AFF1: variants seen among roughly 807,000 people sequenced by gnomAD.
The protein encoded by AFF1 is ALF transcription elongation factor 1.
In AFF1, 48 loss-of-function variants were observed where a neutral mutation model predicts 121.7. The ratio of observed to expected loss-of-function variants is 0.39; its 90% CI spans 0.31 to 0.50. The LOEUF (loss-of-function observed/expected upper bound fraction) is 0.50. Among genes scored for constraint, AFF1 ranks in the 20% least tolerant of loss-of-function variants. The pLI, the probability that AFF1 is intolerant of heterozygous loss-of-function variation, is 0.76. For missense variants in AFF1, 1,523 were observed against 1,511.7 expected, an observed-to-expected ratio of 1.01 and a Z score of -0.12; for synonymous variants, 613 against 563.0, an observed-to-expected ratio of 1.09 and a Z score of -1.26.
intron 4 of AFF1, among the ~76,000 whole-genome samples, chr4:87,075,512 T>C (rs1241892657): frequency 6.6e-6 from 1 of 152,204 alleles, no homozygotes; most frequent in Non-Finnish European, 1.5e-5. Flanking sequence ...TATTTCTTCA[T>C]CTTCTATCTC....
At chr4:86,962,877 A>C (rs147166339) in intron 2 of AFF1, among the ~76,000 whole-genome samples, 49 of 152,324 alleles carry the variant, frequency 3.2e-4, no homozygotes, top group African/African-American at 1.1e-3. Context: ...CATGAAGATA[A>C]GTATAGGCCA....
chr4:87,072,581 G>A (rs951510654), intron 4 of AFF1, among the ~76,000 whole-genome samples: 3 of 151,864 alleles, frequency 2.0e-5, no homozygotes, highest in African/African-American at 7.3e-5. Context: ...GAGTGCAGTG[G>A]CACGATCTCA....
intron 2 of AFF1, among the ~76,000 whole-genome samples, chr4:86,963,073 C>T (rs1020372968): frequency 3.5e-5 from 5 of 141,760 alleles, no homozygotes; most frequent in Admixed American, 7.9e-5. Context: ...GGCTGAGGCA[C>T]GAGAATTGCT....
chr4:86,998,307 C>T (rs192385626), intron 2 of AFF1, among the ~76,000 whole-genome samples: 21 of 152,144 alleles, frequency 1.4e-4, no homozygotes, highest in African/African-American at 3.9e-4. Flanking sequence ...AAGCTAGTCT[C>T]GCTAGAAGAA....
intron 2 of AFF1, among the ~76,000 whole-genome samples, chr4:86,993,931 C>T (rs772212622): frequency 5.9e-5 from 9 of 151,516 alleles, no homozygotes; most frequent in Non-Finnish European, 1.0e-4. Context: ...TGCCATTTCA[C>T]TCCAGCCTGG....
At chr4:86,980,736 A>G (rs533820751) in intron 2 of AFF1, among the ~76,000 whole-genome samples, 76 of 152,318 alleles carry the variant, frequency 5.0e-4, no homozygotes, top group Admixed American at 5.9e-4. Context: ...AAACTGATTG[A>G]AGAGAACAGA....
chr4:86,973,909 A>G (rs1723114445), intron 2 of AFF1: 1 of 152,228 alleles, frequency 6.6e-6, no homozygotes, highest in South Asian at 2.1e-4. Context: ...GAATACGAGA[A>G]TAGAAAAATG....
rs189594969 is a variant in AFF1, at chr4:86,953,725, T to C, written c.38+5154T>C. ...GTTTAGTGCATTTTCTTTTCTTTTT[T>C]CTTTTTTTTTTGAGATGGAGTTTTG... On this transcript the variant is annotated intron_variant, in intron 2 of 20. Transcript: ENST00000395146. Among the ~76,000 whole-genome samples the C allele has an allele frequency of 7.5e-3, 1,131 of 150,622 alleles. 17 individuals are homozygous for C. The highest frequency in any genetic ancestry group is 0.026 in the African/African-American group (1,054 of 41,300).
rs1722139144 is a variant in AFF1 at position 87,072,205 on chromosome 4, T to C, written c.1060-11915T>C. 1.3e-5 allele frequency among the ~76,000 whole-genome samples: 2 copies of C among 151,752 alleles called. 1 individual carries two copies. The highest frequency in any genetic ancestry group is 4.8e-5 in the African/African-American group (2 of 41,326). On this transcript the variant is annotated intron_variant, in intron 4 of 20. Transcript: ENST00000395146. ...GGTGAAGACCCGTCTCTACTAAAAA[T>C]ACAAAAAATTAGCTGGGCCTGGTGG...
intron 14 of AFF1, 142 bp from the exon 15 acceptor site, chr4:87,126,884 T>G: frequency 1.5e-6 from 1 of 680,990 alleles, no homozygotes; most frequent in Non-Finnish European, 2.5e-6. Flanking sequence ...GCTGAGGAAG[T>G]GTTTAGCCAG....
In AFF1 at chr4:87,049,870, C is replaced by T. The variant is rs145123076; in HGVS notation, c.1059+2276C>T. 1,587 of 376,842 alleles carry T rather than the reference C, an allele frequency of 4.2e-3. 28 individuals carry two copies. The highest frequency in any genetic ancestry group is 0.031 in the African/African-American group (1,471 of 47,230). 23.3% of individuals were successfully genotyped at this position (376,842 alleles called of 1,614,324 possible). On this transcript the variant is annotated intron_variant, in intron 4 of 20. Coordinates refer to ENST00000395146, the MANE Select transcript of AFF1 (RefSeq NM_001166693.3). ...GCATGGAATGAAGGAGTCGTCAATC[C>T]GGGAAGTGGGGATCTTGGTGCTCCC... is the stretch of plus-strand genomic sequence containing the variant.
At chr4:87,111,514 T>C (rs1578272114) in intron 11 of AFF1, among the ~76,000 whole-genome samples, 2 of 151,704 alleles carry the variant, frequency 1.3e-5, no homozygotes, top group East Asian at 1.9e-4. Context: ...CCACTAAGTC[T>C]GGCTAATTTT....
chr4:86,953,094 G>C (rs545627562), intron 2 of AFF1, among the ~76,000 whole-genome samples: 1 of 151,878 alleles, frequency 6.6e-6, no homozygotes, highest in South Asian at 2.1e-4. Context: ...AGTTTGGATG[G>C]GTAACTGCCC....
intron 2 of AFF1, among the ~76,000 whole-genome samples, chr4:86,979,804 A>T (rs1215799160): frequency 6.6e-6 from 1 of 151,742 alleles, no homozygotes; most frequent in Non-Finnish European, 1.5e-5. Flanking sequence ...AGCTGGTGGG[A>T]ACGCAAAATA....
chr4:87,022,662 G>GTGTGTATATATATAGC (rs1553918500), intron 2 of AFF1, among the ~76,000 whole-genome samples: 66 of 74,106 alleles, frequency 8.9e-4, no homozygotes, highest in Non-Finnish European at 1.1e-3. Context: ...GTATATATAT[G>GTGTGTATATATATAGC]TGTGTGTATA....
intron 2 of AFF1, among the ~76,000 whole-genome samples, chr4:87,031,303 C>G (rs76641562): frequency 6.6e-6 from 1 of 152,166 alleles, no homozygotes; most frequent in Non-Finnish European, 1.5e-5. Flanking sequence ...AACTTCTGCT[C>G]ATCATTCAAG....
intron 4 of AFF1, among the ~76,000 whole-genome samples, chr4:87,073,975 G>A (rs1722397660): frequency 6.6e-6 from 1 of 151,222 alleles, no homozygotes; most frequent in Non-Finnish European, 1.5e-5. Flanking sequence ...TCGTGTGTGT[G>A]TGCACGTGCG....
intron 2 of AFF1, among the ~76,000 whole-genome samples, chr4:87,040,188 A>T (rs1435228559): frequency 2.6e-5 from 4 of 152,016 alleles, no homozygotes; most frequent in Non-Finnish European, 5.9e-5. Flanking sequence ...AGCCACTGTG[A>T]CCGGCCCACA....
chr4:87,111,806 A>G (rs569188335), intron 11 of AFF1, among the ~76,000 whole-genome samples: 5 of 152,242 alleles, frequency 3.3e-5, no homozygotes, highest in East Asian at 3.9e-4. Context: ...ACTCAATTTT[A>G]CCCTCAAATT....
Sources: allele counts gnomAD v4.1 joint callset (sites outside exome capture counted in the v4.1 genomes callset), GRCh38; gene constraint gnomAD v4.1.1; transcripts MANE v1.5; gene names NCBI Gene and HGNC (gene_info 2026-07-23, HGNC 2026-07-21).